The following PRUNE2 variants were observed in gnomAD, a reference collection of about 807,000 sequenced individuals.
The protein encoded by PRUNE2 is protein prune homolog 2.
A neutral mutation model predicts 252.0 loss-of-function variants in PRUNE2; 164 were observed. The ratio of observed to expected loss-of-function variants is 0.65; its 90% CI spans 0.57 to 0.74. PRUNE2 has a LOEUF of 0.74. PRUNE2 is among the 30% of genes least tolerant of loss of function. The pLI is 0.00. For synonymous variants in PRUNE2, 1,292 were observed against 1,350.2 expected, an observed-to-expected ratio of 0.96 and a Z score of 0.94; for missense variants, 3,495 against 3,711.0, an observed-to-expected ratio of 0.94 and a Z score of 1.51.
At chr9:76,807,009 T>C (rs906151969) in intron 6 of PRUNE2, among the ~76,000 whole-genome samples, 3 of 148,210 alleles carry the variant, frequency 2.0e-5, no homozygotes, top group Admixed American at 6.7e-5. Flanking sequence ...CTTTAACCAC[T>C]ACCTCATACA....
chr9:76,690,325 T>C lies in PRUNE2; in HGVS notation c.8276+13012A>G, dbSNP rs971640177. Among the ~76,000 whole-genome samples, 4 of 152,198 alleles carry C rather than the reference T, an allele frequency of 2.6e-5. 1 individual carries two copies. Among genetic ancestry groups the C allele is most frequent in the Non-Finnish European group, 5.9e-5 (4 of 68,032 alleles). ...ACTTGGTTCATGTAAAGCCTCTGCCTGCAAAATCTTGACAATAGCAAACAG... is the reference window on the plus strand; with the variant it reads ...ACTTGGTTCATGTAAAGCCTCTGCCCGCAAAATCTTGACAATAGCAAACAG... On this transcript the variant is annotated intron_variant, in intron 9 of 18. Coordinates refer to ENST00000376718, the MANE Select transcript of PRUNE2 (RefSeq NM_015225.3).
intron 6 of PRUNE2, among the ~76,000 whole-genome samples, chr9:76,771,543 G>A (rs1366509014): frequency 6.6e-6 from 1 of 152,190 alleles, no homozygotes; most frequent in African/African-American, 2.4e-5. Flanking sequence ...GGGGGTCAGG[G>A]ATTGCTGGAG....
chr9:76,631,241 GTCA>G (rs1469127922), intron 15 of PRUNE2, among the ~76,000 whole-genome samples: 11 of 152,234 alleles, frequency 7.2e-5, no homozygotes, highest in Non-Finnish European at 7.3e-5. Context: ...GGGAAAAGAA[GTCA>G]TGCAAAAGGA....
chr9:76,652,538 A>G lies in PRUNE2; in HGVS notation c.8502T>C (p.Asn2834=), dbSNP rs765995242. ...NLDSPDEIDI[N]VDELDTPDEA... is the part of the protein sequence containing the mutation. ...CATCGGGGGTATCAAGTTCATCCACATTGATGTCAATTTCATCTGGACTGT... is the reference window on the plus strand; with the variant it reads ...CATCGGGGGTATCAAGTTCATCCACGTTGATGTCAATTTCATCTGGACTGT... Residue 2834 remains asparagine (N), a synonymous_variant, in exon 11 of 19, where the codon AAT becomes AAC. Coordinates refer to ENST00000376718, the MANE Select transcript of PRUNE2 (RefSeq NM_015225.3). The G allele has an allele frequency of 1.9e-6, 3 of 1,613,338 alleles. No homozygotes were observed. The highest frequency in any genetic ancestry group is 2.5e-6 in the Non-Finnish European group (3 of 1,179,362).
intron 15 of PRUNE2, among the ~76,000 whole-genome samples, chr9:76,631,931 G>A (rs1026495460): frequency 6.6e-6 from 1 of 152,086 alleles, no homozygotes; most frequent in East Asian, 1.9e-4. Context: ...ACTCACTTAT[G>A]ATAATGACCT....
rs1177793235 is a variant in PRUNE2, at chr9:76,794,255, G to A, written c.756+29377C>T. 9.9e-5 allele frequency among the ~76,000 whole-genome samples: 15 copies of A among 152,188 alleles called. 1 individual carries two copies. The stretch of plus-strand genomic sequence containing the variant: ...GCTGATATGGCAAATGGCGGAACCA[G>A]GATTTCAGACTCAGGCCCTGGGGCT... On this transcript the variant is annotated intron_variant, in intron 6 of 18. Transcript: ENST00000376718.
chr9:76,757,580 G>A (rs1264562016), intron 6 of PRUNE2, among the ~76,000 whole-genome samples: 1 of 152,184 alleles, frequency 6.6e-6, no homozygotes, highest in East Asian at 1.9e-4. Flanking sequence ...AGAGTGAAGG[G>A]CTCAACTGGT....
chr9:76,881,222 T>C (rs1399949463), intron 1 of PRUNE2, among the ~76,000 whole-genome samples: 1 of 152,184 alleles, frequency 6.6e-6, no homozygotes, highest in African/African-American at 2.4e-5. Flanking sequence ...CGCCTTGGCC[T>C]CCCAAAGTGC....
At chr9:76,801,490 T>G (rs1460813334) in intron 6 of PRUNE2, among the ~76,000 whole-genome samples, 1 of 151,788 alleles carries the variant, frequency 6.6e-6, no homozygotes, top group African/African-American at 2.4e-5. Context: ...CTGGGCCTTT[T>G]TTTTGAAATG....
chr9:76,728,523 A>G (rs2048312879), intron 6 of PRUNE2, among the ~76,000 whole-genome samples: 1 of 152,296 alleles, frequency 6.6e-6, no homozygotes, highest in Admixed American at 6.5e-5. Flanking sequence ...TTCAATTTGT[A>G]TTGTCTACAC....
intron 6 of PRUNE2, among the ~76,000 whole-genome samples, chr9:76,799,583 ACAT>A (rs1212654638): frequency 6.6e-6 from 1 of 152,202 alleles, no homozygotes; most frequent in African/African-American, 2.4e-5. Flanking sequence ...GTGCCCTGTT[ACAT>A]CATGTTGGGT....
intron 6 of PRUNE2, among the ~76,000 whole-genome samples, chr9:76,720,097 C>T (rs958243507): frequency 6.6e-6 from 1 of 150,914 alleles, no homozygotes; most frequent in African/African-American, 2.4e-5. Context: ...AGAATGGTCA[C>T]ACAAAGGATT....
chr9:76,689,325 T>G (rs1299519980), intron 9 of PRUNE2, among the ~76,000 whole-genome samples: 2 of 152,208 alleles, frequency 1.3e-5, no homozygotes, highest in African/African-American at 4.8e-5. Flanking sequence ...GATTTATTTT[T>G]AAGCCATGAA....
At chr9:76,676,226 T>C (rs1212566938) in intron 9 of PRUNE2, among the ~76,000 whole-genome samples, 1 of 142,128 alleles carries the variant, frequency 7.0e-6, no homozygotes, top group East Asian at 2.0e-4. Flanking sequence ...TATGAATTTG[T>C]AAACTTTGTG....
At chr9:76,633,286 A>G (rs886331848) in intron 15 of PRUNE2, among the ~76,000 whole-genome samples, 3 of 151,864 alleles carry the variant, frequency 2.0e-5, no homozygotes, top group Middle Eastern at 3.2e-3. Context: ...TTCATAAATA[A>G]AGTTTCATCA....
intron 12 of PRUNE2, among the ~76,000 whole-genome samples, chr9:76,641,582 T>C (rs1391341433): frequency 6.6e-6 from 1 of 152,234 alleles, no homozygotes; most frequent in Non-Finnish European, 1.5e-5. Flanking sequence ...TCAATTTCTA[T>C]TCTCAAATAT....
At chr9:76,620,013 GT>G (rs897256289) in intron 17 of PRUNE2, among the ~76,000 whole-genome samples, 1 of 151,980 alleles carries the variant, frequency 6.6e-6, no homozygotes, top group Non-Finnish European at 1.5e-5. Context: ...TGGCATTTAT[GT>G]TTTTTGTGTA....
chr9:76,704,257 C>G (rs1400911396), intron 8 of PRUNE2, among the ~76,000 whole-genome samples, 158 bp from the exon 9 acceptor site: 2 of 152,064 alleles, frequency 1.3e-5, no homozygotes, highest in Non-Finnish European at 2.9e-5. Context: ...CAGAGTCCCG[C>G]TCTGTCACCC....
chr9:76,905,832 T>C (rs765554215), intron 1 of PRUNE2, 96 bp downstream of exon 1: 16 of 1,498,310 alleles, frequency 1.1e-5, no homozygotes, highest in Non-Finnish European at 1.5e-5. Context: ...CGTGGCAAAG[T>C]TGTTTCTTCC....
Sources: allele counts gnomAD v4.1 joint callset (sites outside exome capture counted in the v4.1 genomes callset), GRCh38; gene constraint gnomAD v4.1.1; transcripts MANE v1.5; gene names NCBI Gene and HGNC (gene_info 2026-07-23, HGNC 2026-07-21).